The following TRAF3 variants were observed in gnomAD, a reference collection of about 807,000 sequenced individuals.
The protein encoded by TRAF3 is TNF receptor-associated factor 3.
TRAF3 carries 13 observed loss-of-function variants against 62.3 expected under a neutral mutation model. That is an observed-to-expected ratio of 0.21 (90% CI 0.14 to 0.33). The LOEUF (loss-of-function observed/expected upper bound fraction) is 0.33, where lower values mean the gene tolerates loss of function less well. Among genes scored for constraint, TRAF3 ranks in the 10% least tolerant of loss-of-function variants. TRAF3 has a pLI of 1.00. For synonymous variants in TRAF3, 269 were observed against 283.4 expected (o/e 0.95, Z 0.51); for missense variants, 440 against 741.8 (o/e 0.59, Z 4.73).
At chr14:102,821,309 A>T (rs1180050215) in intron 1 of TRAF3, among the ~76,000 whole-genome samples, 1 of 152,234 alleles carries the variant, frequency 6.6e-6, no homozygotes, top group Non-Finnish European at 1.5e-5. Context: ...TTTATAAAAG[A>T]TATTAAAGTT....
chr14:102,898,484 C>T (rs1381801442), intron 10 of TRAF3, among the ~76,000 whole-genome samples: 1 of 152,214 alleles, frequency 6.6e-6, no homozygotes, highest in Non-Finnish European at 1.5e-5. Context: ...GCCACTGCTG[C>T]GGGGCCCTGG....
At chr14:102,858,432 C>T (rs999651405) in intron 2 of TRAF3, among the ~76,000 whole-genome samples, 7 of 152,192 alleles carry the variant, frequency 4.6e-5, no homozygotes, top group Non-Finnish European at 8.8e-5. Context: ...GGATTACAGG[C>T]GTTAGCCACT....
intron 2 of TRAF3, among the ~76,000 whole-genome samples, chr14:102,858,261 C>G (rs1364295204): frequency 2.0e-5 from 3 of 152,076 alleles, no homozygotes; most frequent in African/African-American, 7.2e-5. Flanking sequence ...AAGCGATTCT[C>G]CTGCCTCAGC....
At chr14:102,817,543 G>A (rs1899609764) in intron 1 of TRAF3, among the ~76,000 whole-genome samples, 1 of 152,026 alleles carries the variant, frequency 6.6e-6, no homozygotes. Context: ...CTGGAGGGAG[G>A]GCAGAGTAGA....
chr14:102,838,177 T>C (rs563481133), intron 2 of TRAF3, among the ~76,000 whole-genome samples: 1 of 152,330 alleles, frequency 6.6e-6, no homozygotes, highest in East Asian at 1.9e-4. Flanking sequence ...AAATTTGTAA[T>C]TGTGACAAAT....
At chr14:102,852,329 T>C (rs1034994223) in intron 2 of TRAF3, among the ~76,000 whole-genome samples, 2 of 152,060 alleles carry the variant, frequency 1.3e-5, no homozygotes, top group Non-Finnish European at 2.9e-5. Context: ...TACAGTGATA[T>C]TTAGTTTGGG....
chr14:102,851,970 G>A (rs1176555408), intron 2 of TRAF3, among the ~76,000 whole-genome samples: 1 of 151,746 alleles, frequency 6.6e-6, no homozygotes, highest in Non-Finnish European at 1.5e-5. Context: ...CAGGAGGATC[G>A]CTTCAGCCTG....
At chr14:102,839,866 TAGTG>T (rs1389237973) in intron 2 of TRAF3, among the ~76,000 whole-genome samples, 6 of 152,172 alleles carry the variant, frequency 3.9e-5, no homozygotes, top group African/African-American at 1.4e-4. Flanking sequence ...TAGCTGCAAA[TAGTG>T]AGAAGTAGTT....
intron 1 of TRAF3, among the ~76,000 whole-genome samples, chr14:102,811,562 T>G (rs1293456768): frequency 3.3e-5 from 5 of 149,526 alleles, no homozygotes; most frequent in South Asian, 2.1e-4. Context: ...TTTTTTTTTT[T>G]TTTTTTTTTT....
At chr14:102,796,534 G>T (rs1898095386) in intron 1 of TRAF3, among the ~76,000 whole-genome samples, 1 of 152,246 alleles carries the variant, frequency 6.6e-6, no homozygotes, top group Non-Finnish European at 1.5e-5. Flanking sequence ...CTGAAGTGGG[G>T]ATGGGGGGTG....
intron 7 of TRAF3, among the ~76,000 whole-genome samples, chr14:102,889,278 C>T (rs1889575999): frequency 6.6e-6 from 1 of 152,036 alleles, no homozygotes; most frequent in African/African-American, 2.4e-5. Flanking sequence ...TAAATTCTGG[C>T]ACTACAGATG....
intron 6 of TRAF3, among the ~76,000 whole-genome samples, chr14:102,881,125 C>T (rs1033601880): frequency 2.6e-5 from 4 of 151,950 alleles, no homozygotes; most frequent in East Asian, 1.9e-4. Flanking sequence ...ACTCACACCT[C>T]TAATCCCAGC....
At chr14:102,870,864 A>T (rs1203219851) in intron 3 of TRAF3, among the ~76,000 whole-genome samples, 3 of 152,164 alleles carry the variant, frequency 2.0e-5, no homozygotes, top group African/African-American at 7.2e-5. Flanking sequence ...ACAGGTCCCT[A>T]CCCGAGCAGA....
chr14:102,888,256 G>A (rs144798162), intron 7 of TRAF3, among the ~76,000 whole-genome samples: 5 of 152,302 alleles, frequency 3.3e-5, no homozygotes, highest in African/African-American at 1.2e-4. Flanking sequence ...CACCTGTCAC[G>A]TGCCTTGTGG....
intron 1 of TRAF3, among the ~76,000 whole-genome samples, chr14:102,811,194 G>C (rs1566749315): frequency 2.0e-5 from 3 of 152,134 alleles, no homozygotes; most frequent in Admixed American, 6.5e-5. Flanking sequence ...TCCTTAAGGG[G>C]ATGCCGAATT....
At chr14:102,824,477 T>C (rs1900176139) in intron 1 of TRAF3, among the ~76,000 whole-genome samples, 1 of 152,274 alleles carries the variant, frequency 6.6e-6, no homozygotes, top group African/African-American at 2.4e-5. Context: ...GTGGCCCCAG[T>C]GGCACCTAGA....
At chr14:102,866,850 AACACACACACACACACACACAC>A (rs538121314) in intron 2 of TRAF3, among the ~76,000 whole-genome samples, 3 of 132,224 alleles carry the variant, frequency 2.3e-5, no homozygotes, top group Non-Finnish European at 4.6e-5. Context: ...ATCTCTTGAA[AACACACACACACACACACACAC>A]ACACACACAC....
intron 1 of TRAF3, among the ~76,000 whole-genome samples, chr14:102,828,392 T>C (rs1423493769): frequency 6.6e-6 from 1 of 152,186 alleles, no homozygotes; most frequent in Admixed American, 6.5e-5. Context: ...ATAATGAAGG[T>C]AATACTCCTC....
At chr14:102,876,672 A>T (rs1365025904) in intron 6 of TRAF3, 147 bp downstream of exon 6, 2 of 1,104,064 alleles carry the variant, frequency 1.8e-6, no homozygotes, top group African/African-American at 3.2e-5. Flanking sequence ...CACTCAGTTC[A>T]TAGATATTCC....
Sources: gnomAD v4.1 joint callset for allele counts (sites outside exome capture counted in the v4.1 genomes callset) on GRCh38, gnomAD v4.1.1 for gene constraint, MANE v1.5 for transcripts, NCBI Gene and HGNC (gene_info 2026-07-23, HGNC 2026-07-21) for gene names.